The following CTNNA3 variants were observed in gnomAD, a reference collection of about 807,000 sequenced individuals.
CTNNA3 encodes catenin alpha-3.
A neutral mutation model predicts 95.7 loss-of-function variants in CTNNA3; 76 were observed. The observed-to-expected ratio is 0.79, with a 90% CI of 0.66 to 0.96. The LOEUF (loss-of-function observed/expected upper bound fraction) is 0.96. Among genes scored for constraint, CTNNA3 ranks in the 40% least tolerant of loss-of-function variants. The pLI, the probability that CTNNA3 is intolerant of heterozygous loss-of-function variation, is 0.00. For missense variants in CTNNA3, 1,191 were observed against 1,089.8 expected (o/e 1.09, Z -1.31); for synonymous variants, 431 against 374.4 (o/e 1.15, Z -1.74).
chr10:67,586,984 T>A (rs12254736), intron 3 of CTNNA3, among the ~76,000 whole-genome samples: 19,485 of 152,162 alleles, frequency 0.13, 2,256 homozygotes, highest in African/African-American at 0.3. Flanking sequence ...ACACTTTTAA[T>A]GTTTTTCATG....
chr10:66,513,386 A>G (rs1261461912), intron 11 of CTNNA3, among the ~76,000 whole-genome samples: 2 of 152,134 alleles, frequency 1.3e-5, no homozygotes, highest in African/African-American at 4.8e-5. Context: ...AGTAGTATCT[A>G]TGGCTTCACA....
chr10:67,194,661 C>G (rs1863266245), intron 6 of CTNNA3, among the ~76,000 whole-genome samples: 1 of 151,724 alleles, frequency 6.6e-6, no homozygotes, highest in Non-Finnish European at 1.5e-5. Flanking sequence ...TACATTTTTC[C>G]AAGCCCACAG....
intron 11 of CTNNA3, among the ~76,000 whole-genome samples, chr10:66,443,702 G>C (rs1043772337): frequency 5.9e-5 from 9 of 152,084 alleles, no homozygotes; most frequent in African/African-American, 2.2e-4. Context: ...ACCAAAAGTA[G>C]ATAAAAACAC....
At chr10:65,959,821 C>T (rs1347195620) in intron 17 of CTNNA3, among the ~76,000 whole-genome samples, 1 of 152,144 alleles carries the variant, frequency 6.6e-6, no homozygotes, top group Non-Finnish European at 1.5e-5. Flanking sequence ...TGGCAACTCC[C>T]CTCTTTATTT....
chr10:67,383,825 T>A (rs1844041390), intron 5 of CTNNA3, among the ~76,000 whole-genome samples: 3 of 152,160 alleles, frequency 2.0e-5, no homozygotes, highest in Admixed American at 2.0e-4. Context: ...AACAGTGACG[T>A]TTACTAGAAT....
rs137928861 is a variant in CTNNA3 at position 66,121,810 on chromosome 10, G to C, written c.1885-18561C>G. Among the ~76,000 whole-genome samples, 20 of 152,188 alleles carry C rather than the reference G, an allele frequency of 1.3e-4. No homozygotes were observed. In the East Asian group the frequency reaches 2.5e-3, roughly 19 times the overall value. Reference sequence around the variant, plus strand: ...AAGACCACACCACTGCACTCCACCTGTCCAGCCTGGGTGACAGAGTGAGAC... The same window carrying C: ...AAGACCACACCACTGCACTCCACCTCTCCAGCCTGGGTGACAGAGTGAGAC... On this transcript the variant is annotated intron_variant, in intron 13 of 17. Coordinates refer to ENST00000433211, the MANE Select transcript of CTNNA3 (RefSeq NM_013266.4).
intron 13 of CTNNA3, among the ~76,000 whole-genome samples, chr10:66,230,310 A>G (rs1009952663): frequency 2.6e-5 from 4 of 152,112 alleles, no homozygotes; most frequent in Admixed American, 6.5e-5. Flanking sequence ...CTTGTAGGAC[A>G]GTCCCTTCTT....
At chr10:67,553,311 T>G (rs1841100966) in intron 3 of CTNNA3, among the ~76,000 whole-genome samples, 1 of 152,114 alleles carries the variant, frequency 6.6e-6, no homozygotes, top group Non-Finnish European at 1.5e-5. Flanking sequence ...TTTAATTCAT[T>G]TTACCTAGGT....
chr10:67,388,114 G>T (rs1191133391), intron 5 of CTNNA3, among the ~76,000 whole-genome samples: 1 of 145,634 alleles, frequency 6.9e-6, no homozygotes, highest in African/African-American at 2.6e-5. Flanking sequence ...ATTACTCTGA[G>T]CTACGGGAGG....
intron 5 of CTNNA3, among the ~76,000 whole-genome samples, chr10:67,304,028 G>A (rs944951181): frequency 1.3e-5 from 2 of 152,148 alleles, no homozygotes; most frequent in African/African-American, 4.8e-5. Context: ...CTTTCAGCTA[G>A]ACAAACTGCT....
intron 7 of CTNNA3, among the ~76,000 whole-genome samples, chr10:67,100,970 T>C (rs1220908567): frequency 6.6e-6 from 1 of 151,694 alleles, no homozygotes; most frequent in East Asian, 1.9e-4. Flanking sequence ...TATATATCTA[T>C]ATATATTTGA....
intron 5 of CTNNA3, among the ~76,000 whole-genome samples, chr10:67,243,760 G>A (rs1356674306): frequency 6.6e-6 from 1 of 152,156 alleles, no homozygotes; most frequent in Non-Finnish European, 1.5e-5. Flanking sequence ...CATCTTTTAA[G>A]TCATCGTGGA....
In CTNNA3 at chr10:66,114,163, A is replaced by G. The variant is rs1021811185; in HGVS notation, c.1885-10914T>C. ...AATCTCACCTTTTTCATCAAACTCT[A>G]TAGCCAAATAAACTCTACATATGTG... On this transcript the variant is annotated intron_variant, in intron 13 of 17. Coordinates refer to ENST00000433211, the MANE Select transcript of CTNNA3 (RefSeq NM_013266.4). Among the ~76,000 whole-genome samples the G allele has an allele frequency of 3.3e-5, 5 of 152,168 alleles. No homozygotes were observed. In the East Asian group the frequency reaches 5.8e-4, roughly 18 times the overall value.
intron 9 of CTNNA3, among the ~76,000 whole-genome samples, chr10:66,644,292 GTCTC>G (rs71035159): frequency 8.9e-4 from 70 of 78,752 alleles, no homozygotes; most frequent in South Asian, 2.6e-3. Flanking sequence ...CTGTCTGTCT[GTCTC>G]TCTCTCTCTC....
intron 10 of CTNNA3, among the ~76,000 whole-genome samples, chr10:66,533,744 C>T (rs1037601606): frequency 2.0e-5 from 3 of 152,150 alleles, no homozygotes; most frequent in South Asian, 4.2e-4. Context: ...ATCCCTACAG[C>T]GAACTCTTAT....
intron 5 of CTNNA3, among the ~76,000 whole-genome samples, chr10:67,222,835 T>G (rs12248373): frequency 0.24 from 36,637 of 152,162 alleles, 6,163 homozygotes; most frequent in African/African-American, 0.48. Flanking sequence ...CAAGGTTTAG[T>G]TTGTTTCTGA....
intron 9 of CTNNA3, among the ~76,000 whole-genome samples, chr10:66,723,475 A>G (rs1194179617): frequency 6.6e-6 from 1 of 152,178 alleles, no homozygotes; most frequent in Non-Finnish European, 1.5e-5. Flanking sequence ...ACAAAACACA[A>G]TTAGGAAGGA....
chr10:66,273,368 C>T (rs2091322988), intron 13 of CTNNA3, among the ~76,000 whole-genome samples: 2 of 152,164 alleles, frequency 1.3e-5, no homozygotes, highest in Non-Finnish European at 2.9e-5. Flanking sequence ...TCACACTACT[C>T]AGAAGAGTGC....
chr10:66,996,935 G>T (rs982963194), intron 7 of CTNNA3, among the ~76,000 whole-genome samples: 1 of 152,024 alleles, frequency 6.6e-6, no homozygotes, highest in Non-Finnish European at 1.5e-5. Context: ...CTACTGGTTT[G>T]TGACATTAAA....
Sources: gnomAD v4.1 joint callset for allele counts (sites outside exome capture counted in the v4.1 genomes callset) on GRCh38, gnomAD v4.1.1 for gene constraint, MANE v1.5 for transcripts, NCBI Gene and HGNC (gene_info 2026-07-23, HGNC 2026-07-21) for gene names.